HEPHL1: variants seen among roughly 807,000 people sequenced by gnomAD.
HEPHL1 encodes ferroxidase HEPHL1.
Under a neutral mutation model 122.0 loss-of-function variants are expected in HEPHL1, and 123 were observed. The observed-to-expected ratio is 1.01, with a 90% confidence interval of 0.87 to 1.17. HEPHL1 has a LOEUF of 1.17. Among genes scored for constraint, HEPHL1 ranks in the 50% most tolerant of loss-of-function variants. HEPHL1 has a pLI of 0.00. For missense variants in HEPHL1, 1,452 were observed against 1,430.5 expected (o/e 1.01, Z -0.24); for synonymous variants, 527 against 508.9 (o/e 1.04, Z -0.48).
At chr11:94,026,076 C>T (rs1398996482) in intron 1 of HEPHL1, among the ~76,000 whole-genome samples, 2 of 152,180 alleles carry the variant, frequency 1.3e-5, no homozygotes, top group East Asian at 3.9e-4. Flanking sequence ...ATATCAGGGG[C>T]TTTCTGTATT....
intron 2 of HEPHL1, among the ~76,000 whole-genome samples, chr11:94,062,730 T>C (rs1198717664): frequency 1.3e-5 from 2 of 152,038 alleles, no homozygotes; most frequent in Admixed American, 6.6e-5. Context: ...CTGATAACTA[T>C]AATGTGCACA....
intron 10 of HEPHL1, among the ~76,000 whole-genome samples, chr11:94,085,350 G>C (rs1946208169): frequency 6.6e-6 from 1 of 152,138 alleles, no homozygotes; most frequent in African/African-American, 2.4e-5. Flanking sequence ...TCCAGTAATT[G>C]TACTGGGGTA....
At chr11:94,058,590 C>T (rs1246298926) in intron 2 of HEPHL1, among the ~76,000 whole-genome samples, 1 of 152,096 alleles carries the variant, frequency 6.6e-6, no homozygotes, top group Non-Finnish European at 1.5e-5. Flanking sequence ...TATGCTAATG[C>T]CTGAGCCAGA....
intron 9 of HEPHL1, among the ~76,000 whole-genome samples, chr11:94,081,229 G>A (rs1163147123): frequency 6.6e-6 from 1 of 152,174 alleles, no homozygotes; most frequent in East Asian, 1.9e-4. Context: ...TCACTTATAA[G>A]TGGGAGCTGA....
chr11:94,027,880 A>T (rs949582895), intron 1 of HEPHL1, among the ~76,000 whole-genome samples: 1 of 152,190 alleles, frequency 6.6e-6, no homozygotes, highest in Non-Finnish European at 1.5e-5. Context: ...AAAATTATTA[A>T]TCTAATAGGG....
chr11:94,059,622 CA>C (rs1192162635), intron 2 of HEPHL1, among the ~76,000 whole-genome samples: 1 of 152,108 alleles, frequency 6.6e-6, no homozygotes, highest in African/African-American at 2.4e-5. Context: ...CACCATTGAT[CA>C]AAAGCCTTAA....
chr11:94,091,991 G>A (rs938074655), intron 12 of HEPHL1, among the ~76,000 whole-genome samples: 1 of 152,174 alleles, frequency 6.6e-6, no homozygotes, highest in African/African-American at 2.4e-5. Context: ...GTTTGGCAGT[G>A]GGAAATCATA....
chr11:94,095,957 A>C (rs1487763947), intron 13 of HEPHL1, among the ~76,000 whole-genome samples: 2 of 152,210 alleles, frequency 1.3e-5, no homozygotes, highest in Non-Finnish European at 2.9e-5. Flanking sequence ...CAACCATGTC[A>C]TCTGCAAACA....
chr11:94,061,723 T>C (rs2134425863), intron 2 of HEPHL1, among the ~76,000 whole-genome samples: 1 of 152,314 alleles, frequency 6.6e-6, no homozygotes, highest in South Asian at 2.1e-4. Context: ...TCTCACCTCG[T>C]ATTGAGAGAA....
At chr11:94,053,292 G>C (rs936013476) in intron 2 of HEPHL1, among the ~76,000 whole-genome samples, 1 of 151,902 alleles carries the variant, frequency 6.6e-6, no homozygotes, top group Non-Finnish European at 1.5e-5. Flanking sequence ...TTTAATTTCT[G>C]TATGGTCAGT....
At chr11:94,082,679 G>C (rs1423166441) in intron 10 of HEPHL1, 111 bp downstream of exon 10, 9 of 981,056 alleles carry the variant, frequency 9.2e-6, no homozygotes, top group Non-Finnish European at 4.4e-6. Flanking sequence ...TATTGTTCTT[G>C]GTCATGAGTA....
chr11:94,075,437 C>A, intron 9 of HEPHL1, 52 bp downstream of exon 9: 2 of 1,253,296 alleles, frequency 1.6e-6, no homozygotes, highest in Non-Finnish European at 2.2e-6. Flanking sequence ...TGGGAGAGAT[C>A]CGCAAGAGCC....
intron 9 of HEPHL1, among the ~76,000 whole-genome samples, chr11:94,080,885 A>C (rs1159627235): frequency 1.3e-5 from 2 of 152,344 alleles, no homozygotes; most frequent in East Asian, 3.9e-4. Flanking sequence ...CAGTATGGTG[A>C]TTCCTCAAAG....
chr11:94,095,056 A>T (rs1946299545), intron 13 of HEPHL1, among the ~76,000 whole-genome samples: 1 of 152,216 alleles, frequency 6.6e-6, no homozygotes, highest in Non-Finnish European at 1.5e-5. Flanking sequence ...TGTTTTAGAC[A>T]TGAAGTCCTT....
At chr11:94,084,514 A>T (rs1752200027) in intron 10 of HEPHL1, among the ~76,000 whole-genome samples, 1 of 152,152 alleles carries the variant, frequency 6.6e-6, no homozygotes, top group African/African-American at 2.4e-5. Context: ...ACAGCAACAA[A>T]GCCAAAAAGA....
chr11:94,059,777 T>C (rs1945969288), intron 2 of HEPHL1, among the ~76,000 whole-genome samples: 1 of 152,054 alleles, frequency 6.6e-6, no homozygotes, highest in Non-Finnish European at 1.5e-5. Context: ...TGTTAGGGGA[T>C]TCTCTCTCCT....
chr11:94,107,257 A>T (rs1162566512), intron 17 of HEPHL1, among the ~76,000 whole-genome samples: 2 of 152,222 alleles, frequency 1.3e-5, no homozygotes, highest in African/African-American at 2.4e-5. Context: ...TACGACACCA[A>T]GTATTAGCCT....
At chr11:94,074,487 C>T (rs1946104005) in intron 8 of HEPHL1, among the ~76,000 whole-genome samples, 1 of 152,000 alleles carries the variant, frequency 6.6e-6, no homozygotes, top group Admixed American at 6.6e-5. Flanking sequence ...AGAAAGAACA[C>T]TAGAACTGAC....
chr11:94,071,725 T>C (rs1422339655), intron 6 of HEPHL1, among the ~76,000 whole-genome samples: 1 of 152,170 alleles, frequency 6.6e-6, no homozygotes, highest in Non-Finnish European at 1.5e-5. Context: ...TGAGTTGTCC[T>C]GGTAGTGAGT....
Sources: gnomAD v4.1 joint callset for allele counts (sites outside exome capture counted in the v4.1 genomes callset) on GRCh38, gnomAD v4.1.1 for gene constraint, MANE v1.5 for transcripts, NCBI Gene and HGNC (gene_info 2026-07-23, HGNC 2026-07-21) for gene names.